Variants in NDFIP2 observed in about 807,000 individuals in gnomAD.
NDFIP2 encodes Nedd4 family interacting protein 2, also known as NEDD4 family-interacting protein 2.
Under a neutral mutation model 36.0 loss-of-function variants are expected in NDFIP2, and 19 were observed. That is an observed-to-expected ratio of 0.53 (90% CI 0.37 to 0.77). NDFIP2 has a LOEUF of 0.77. NDFIP2 is among the 30% of genes least tolerant of loss of function. NDFIP2 has a pLI of 0.00. For synonymous variants in NDFIP2, 181 were observed against 167.7 expected (o/e 1.08, Z -0.61); for missense variants, 446 against 435.8 (o/e 1.02, Z -0.21).
rs75865827 is a variant in NDFIP2, at chr13:79,493,708, A to G, written c.321+12184A>G. Among the ~76,000 whole-genome samples, 626 of 152,296 alleles carry G rather than the reference A, an allele frequency of 4.1e-3. 7 individuals are homozygous for G. Among genetic ancestry groups the G allele is most frequent in the African/African-American group, 0.014 (602 of 41,578 alleles). On this transcript the variant is annotated intron_variant, in intron 1 of 7. Coordinates refer to ENST00000218652, the MANE Select transcript of NDFIP2 (RefSeq NM_019080.3). ...AAGGATCCTGGGAAATAAAACCTTT[A>G]TGATAGCTAAGTTTCTTTTATTTAT...
At chr13:79,507,707 C>CT (rs1388741926) in intron 1 of NDFIP2, among the ~76,000 whole-genome samples, 2 of 151,868 alleles carry the variant, frequency 1.3e-5, no homozygotes, top group Non-Finnish European at 2.9e-5. Flanking sequence ...TCAGGATCAA[C>CT]TTTTTTTAAA....
At chr13:79,541,982 A>G (rs1184178777) in intron 4 of NDFIP2, among the ~76,000 whole-genome samples, 3 of 152,190 alleles carry the variant, frequency 2.0e-5, no homozygotes, top group African/African-American at 7.2e-5. Context: ...GCTTCTCAAA[A>G]TCCTTTTAAA....
chr13:79,506,006 G>C (rs1873852834), intron 1 of NDFIP2, among the ~76,000 whole-genome samples: 1 of 152,178 alleles, frequency 6.6e-6, no homozygotes, highest in Admixed American at 6.5e-5. Context: ...TGTAGAATCT[G>C]TGATGATCTT....
At chr13:79,511,497 A>T (rs1451353434) in intron 1 of NDFIP2, among the ~76,000 whole-genome samples, 1 of 152,178 alleles carries the variant, frequency 6.6e-6, no homozygotes. Context: ...AATTATGGTG[A>T]CTGCCTCGTA....
chr13:79,521,060 G>A, intron 2 of NDFIP2, 85 bp downstream of exon 2: 1 of 1,162,108 alleles, frequency 8.6e-7, no homozygotes, highest in Non-Finnish European at 1.2e-6. Flanking sequence ...CTGTTAATGG[G>A]CTTATAAACA....
intron 7 of NDFIP2, 24 bp downstream of exon 7, chr13:79,551,146 T>TG (rs1875894284): frequency 1.4e-6 from 2 of 1,447,784 alleles, no homozygotes; most frequent in African/African-American, 2.8e-5. Context: ...ATCTGTGAAC[T>TG]CTGCCTATTC....
intron 1 of NDFIP2, among the ~76,000 whole-genome samples, chr13:79,510,041 T>C (rs1294828253): frequency 1.3e-5 from 2 of 152,214 alleles, no homozygotes; most frequent in East Asian, 3.9e-4. Flanking sequence ...ATACTTTGCA[T>C]ACTTCAACCA....
intron 2 of NDFIP2, among the ~76,000 whole-genome samples, chr13:79,523,679 C>T (rs1485256420): frequency 6.6e-6 from 1 of 152,156 alleles, no homozygotes; most frequent in African/African-American, 2.4e-5. Context: ...TTGGAATACC[C>T]ACTCTTCTTC....
In NDFIP2 at chr13:79,552,532, A is replaced by G. The variant is rs1875947065; in HGVS notation, c.*19A>G. 6.6e-6 allele frequency: 1 copy of G among 151,908 alleles called. No homozygotes were observed. Among genetic ancestry groups the G allele is most frequent in the Non-Finnish European group, 1.5e-5 (1 of 67,486 alleles). The allele number at this position is 151,908 out of a possible 1,614,324, so 9.4% of individuals were successfully genotyped here. A position where few individuals can be genotyped will look rare whatever the true frequency, so the allele number is the denominator to read the frequency against. On this transcript the variant is annotated 3_prime_UTR_variant, in exon 8 of 8. Coordinates refer to ENST00000218652, the MANE Select transcript of NDFIP2 (RefSeq NM_019080.3). ...TGTCTCCAGACTGCATCAACCCGAC[A>G]TTCCTTTCTTATACCAATGTGAAAT... is the stretch of plus-strand genomic sequence containing the variant.
In NDFIP2 at chr13:79,533,403, G is replaced by C. The variant is rs371885469; in HGVS notation, c.568G>C (p.Glu190Gln). The C allele has an allele frequency of 5.6e-6, 9 of 1,612,182 alleles. No homozygotes were observed. In the African/African-American group the frequency reaches 1.2e-4, roughly 22 times the overall value. The change falls in exon 3 of 8, where the codon GAG (glutamate) becomes CAG (glutamine). Residue 190 changes from glutamate to glutamine, a missense_variant. Physicochemically the swap from Glu to Gln is conservative, Grantham distance 29. Around this residue, in one of 2 missense-constraint regions of NDFIP2, gnomAD observed 369 missense variants for 304.8 expected, o/e 1.21. Transcript: ENST00000218652. ...ATSLPTYDEA[E>Q]KAKAAAMAAA... ...CTCTCTTCCTACATACGATGAAGCT[G>C]AGAAGGCTAAAGCTGCTGCAATGGC...
At chr13:79,541,109 T>C (rs1875438787) in intron 4 of NDFIP2, among the ~76,000 whole-genome samples, 1 of 152,090 alleles carries the variant, frequency 6.6e-6, no homozygotes, top group Admixed American at 6.6e-5. Context: ...ACTTTCATTG[T>C]TATTATACCT....
intron 5 of NDFIP2, 75 bp downstream of exon 5, chr13:79,543,757 T>TG: frequency 6.5e-7 from 1 of 1,545,940 alleles, no homozygotes; most frequent in Non-Finnish European, 8.8e-7. Context: ...GGTTCATAAA[T>TG]GGTCACTTTA....
At chr13:79,529,685 C>G (rs1874935247) in intron 2 of NDFIP2, among the ~76,000 whole-genome samples, 1 of 152,156 alleles carries the variant, frequency 6.6e-6, no homozygotes, top group African/African-American at 2.4e-5. Flanking sequence ...AGGTCCTTAG[C>G]TCTTATTGAT....
rs146069349 is a variant in NDFIP2 at position 79,531,653 on chromosome 13, C to T, written c.488-1670C>T. Among the ~76,000 whole-genome samples the T allele has an allele frequency of 1.9e-3, 291 of 152,314 alleles. 1 individual carries two copies. Among genetic ancestry groups the T allele is most frequent in the African/African-American group, 6.7e-3 (278 of 41,566 alleles). Reference sequence around the variant, plus strand: ...CTTTGATTTAGCCTTATAAACCAACCTCTGCCAGCTGCCAACTTTTCTTCT... The same window carrying T: ...CTTTGATTTAGCCTTATAAACCAACTTCTGCCAGCTGCCAACTTTTCTTCT... On this transcript the variant is annotated intron_variant, in intron 2 of 7. Transcript: ENST00000218652.
chr13:79,497,512 A>G (rs1362771297), intron 1 of NDFIP2, among the ~76,000 whole-genome samples: 3 of 151,884 alleles, frequency 2.0e-5, no homozygotes, highest in African/African-American at 7.2e-5. Context: ...CTTTTTTAAT[A>G]TTCAGAATGC....
At chr13:79,512,397 C>T (rs1221858330) in intron 1 of NDFIP2, among the ~76,000 whole-genome samples, 1 of 151,996 alleles carries the variant, frequency 6.6e-6, no homozygotes. Context: ...ATGGGCTTGC[C>T]GTTGCTGCCT....
At chr13:79,517,932 C>T (rs984652147) in intron 1 of NDFIP2, among the ~76,000 whole-genome samples, 2 of 152,152 alleles carry the variant, frequency 1.3e-5, no homozygotes, top group Non-Finnish European at 2.9e-5. Flanking sequence ...GCTGTATCTG[C>T]ATTTGCAGCT....
chr13:79,548,584 G>A (rs1026990369), intron 6 of NDFIP2, among the ~76,000 whole-genome samples, 190 bp downstream of exon 6: 1 of 151,916 alleles, frequency 6.6e-6, no homozygotes, highest in Non-Finnish European at 1.5e-5. Flanking sequence ...AAATCCAGAG[G>A]CTATCAGTGT....
chr13:79,539,802 G>A (rs1318397586), intron 4 of NDFIP2, 27 bp downstream of exon 4: 7 of 1,600,516 alleles, frequency 4.4e-6, no homozygotes, highest in Non-Finnish European at 6.0e-6. Context: ...AACTATTTTG[G>A]GTTGTTTTTA....
Sources: allele counts gnomAD v4.1 joint callset (sites outside exome capture counted in the v4.1 genomes callset), GRCh38; gene constraint gnomAD v4.1.1; regional missense constraint gnomAD v4.1.1; transcripts MANE v1.5; gene names NCBI Gene and HGNC (gene_info 2026-07-23, HGNC 2026-07-21).